ODAD4: variants seen among roughly 807,000 people sequenced by gnomAD.
ODAD4 encodes outer dynein arm-docking complex subunit 4.
Under a neutral mutation model 51.8 loss-of-function variants are expected in ODAD4, and 49 were observed. That is an observed-to-expected ratio of 0.95 (90% confidence interval 0.75 to 1.20). The LOEUF (loss-of-function observed/expected upper bound fraction) is 1.20. ODAD4 is among the 50% of genes most tolerant of loss of function. The probability of loss-of-function intolerance (pLI) is 0.00; values close to 1 mark genes in which losing one functional copy is unlikely to be tolerated. For synonymous variants in ODAD4, 235 were observed against 221.3 expected (o/e 1.06, Z -0.55); for missense variants, 590 against 586.5 (o/e 1.01, Z -0.06).
intron 8 of ODAD4, 117 bp downstream of exon 8, chr17:41,945,339 T>G: frequency 2.1e-6 from 1 of 472,648 alleles, no homozygotes. Context: ...AGACTCCCTC[T>G]CTACAAAAAA....
intron 7 of ODAD4, among the ~76,000 whole-genome samples, chr17:41,944,558 G>A (rs2050560647): frequency 6.6e-6 from 1 of 152,002 alleles, no homozygotes; most frequent in Non-Finnish European, 1.5e-5. Flanking sequence ...GGGAGGCCAA[G>A]GTGGGTAGAT....
rs1471265138 is a variant in ODAD4 at position 41,965,279 on chromosome 17, AAG to A, written c.1820_1821del (p.Glu607ValfsTer6). The A allele has an allele frequency of 1.3e-6, 1 of 779,398 alleles. No individual in the cohort carries two copies. Among genetic ancestry groups the A allele is most frequent in the Non-Finnish European group, 2.4e-6 (1 of 417,474 alleles). The allele number at this position is 779,398 out of a possible 1,614,324, so 48.3% of individuals were successfully genotyped here. A position where few individuals can be genotyped will look rare whatever the true frequency, so the allele number is the denominator to read the frequency against. ...TGRKLLEAGR[R>X]ESREIYRRPS... ...GCAGGAAGCTACTAGAAGCTGGCAG[AAG>A]AGAGTCAAGAGAAATTTATAGGAGG... On this transcript the variant is annotated frameshift_variant, in exon 12 of 12. Transcript: ENST00000377540. LOFTEE classifies it low-confidence loss of function (END_TRUNC).
intron 10 of ODAD4, among the ~76,000 whole-genome samples, chr17:41,957,151 C>T (rs2050744019): frequency 6.6e-6 from 1 of 152,158 alleles, no homozygotes; most frequent in Admixed American, 6.5e-5. Context: ...AGTGATCCTC[C>T]TGCCTCGGGC....
chr17:41,941,828 C>T (rs1049010700), intron 7 of ODAD4, among the ~76,000 whole-genome samples: 46 of 152,002 alleles, frequency 3.0e-4, no homozygotes, highest in Non-Finnish European at 2.9e-4. Flanking sequence ...GTTACAAATC[C>T]CTCCCCTAGG....
At chr17:41,944,434 ACACACACACAC>A (rs1447663995) in intron 7 of ODAD4, among the ~76,000 whole-genome samples, 342 of 7,970 alleles carry the variant, frequency 0.043, 14 homozygotes, top group South Asian at 0.1. Flanking sequence ...ACACACACAC[ACACACACACAC>A]CCCCCCGCAT....
At chr17:41,937,807 A>ACAG (rs2050448811) in intron 5 of ODAD4, among the ~76,000 whole-genome samples, 2 of 152,246 alleles carry the variant, frequency 1.3e-5, no homozygotes, top group South Asian at 4.1e-4. Flanking sequence ...GCTGCCAGTG[A>ACAG]CAGGATGAAG....
intron 8 of ODAD4, among the ~76,000 whole-genome samples, 195 bp from the exon 9 acceptor site, chr17:41,948,958 A>G (rs2050621382): frequency 6.6e-6 from 1 of 152,130 alleles, no homozygotes; most frequent in Non-Finnish European, 1.5e-5. Flanking sequence ...TAAATTCCAC[A>G]TTCCATAGGT....
intron 7 of ODAD4, among the ~76,000 whole-genome samples, chr17:41,939,576 T>A (rs1198101620): frequency 1.3e-5 from 2 of 152,088 alleles, no homozygotes; most frequent in African/African-American, 2.4e-5. Context: ...TAATTGCAAT[T>A]GTGATAAGTG....
At chr17:41,956,613 C>T (rs1347713298) in intron 10 of ODAD4, among the ~76,000 whole-genome samples, 19 of 151,190 alleles carry the variant, frequency 1.3e-4, no homozygotes, top group Admixed American at 1.2e-3. Context: ...AAAAAATTAG[C>T]CGGGTGTGGT....
chr17:41,937,037 C>T, intron 5 of ODAD4, 110 bp downstream of exon 5: 1 of 1,304,880 alleles, frequency 7.7e-7, no homozygotes, highest in Non-Finnish European at 1.1e-6. Flanking sequence ...TGACGTGTAC[C>T]TGTGGACAGG....
At chr17:41,950,283 TG>T (rs1165939833) in intron 9 of ODAD4, among the ~76,000 whole-genome samples, 1 of 151,716 alleles carries the variant, frequency 6.6e-6, no homozygotes, top group Non-Finnish European at 1.5e-5. Flanking sequence ...ATTCTTGTAT[TG>T]AATCATTATG....
intron 11 of ODAD4, among the ~76,000 whole-genome samples, chr17:41,963,249 G>A (rs1230791023): frequency 6.6e-6 from 1 of 152,138 alleles, no homozygotes; most frequent in Non-Finnish European, 1.5e-5. Flanking sequence ...TGGTTTCCAG[G>A]AGGAGAATGT....
intron 7 of ODAD4, among the ~76,000 whole-genome samples, chr17:41,942,512 C>T (rs2050520402): frequency 6.6e-6 from 1 of 152,204 alleles, no homozygotes; most frequent in Non-Finnish European, 1.5e-5. Context: ...TCATTCAACT[C>T]GCCAGAACAG....
intron 1 of ODAD4, among the ~76,000 whole-genome samples, chr17:41,932,786 A>C (rs1555637143): frequency 6.8e-6 from 1 of 146,958 alleles, no homozygotes; most frequent in African/African-American, 2.6e-5. Context: ...GCTGGTATTG[A>C]ACACTTGAGC....
At position 41,956,540 on chromosome 17, in the gene ODAD4, G is replaced by C. The variant is rs1448889552; in HGVS notation, c.1443+1223G>C. On this transcript the variant is annotated intron_variant, in intron 10 of 11. Coordinates refer to ENST00000377540, the MANE Select transcript of ODAD4 (RefSeq NM_031421.5). ...ATGGGGCCATGTATGGTGGGACCTA[G>C]CCTGGGACCCAACGTGTTGCTGGGA... Among the ~76,000 whole-genome samples, 4 of 138,196 alleles carry C rather than the reference G, an allele frequency of 2.9e-5. No individual in the cohort carries two copies. The East Asian group carries it at 6.5e-4, about 22-fold the overall frequency. 90.7% of individuals were successfully genotyped at this position (138,196 alleles called of 152,430 possible).
rs1373439926 is a variant in ODAD4, at chr17:41,949,216, C to T, written c.1209C>T (p.Ile403=). Reference sequence around the variant, plus strand: ...AGAAGACCTGGCTGTTCCACGAGATCGGCCGCTGCTACTTGGAGCTGGACC... The same window carrying T: ...AGAAGACCTGGCTGTTCCACGAGATTGGCCGCTGCTACTTGGAGCTGGACC... ...TLEKTWLFHE[I]GRCYLELDQA... The change falls in exon 9 of 12, where the codon ATC becomes ATT. Residue 403 remains isoleucine, a synonymous_variant. Coordinates refer to ENST00000377540, the MANE Select transcript of ODAD4 (RefSeq NM_031421.5). 5.8e-5 allele frequency: 23 copies of T among 398,422 alleles called. No individual in the cohort carries two copies. Among genetic ancestry groups the T allele is most frequent in the East Asian group, 3.6e-5 (1 of 28,084 alleles). The allele number at this position is 398,422 out of a possible 1,614,324, so 24.7% of individuals were successfully genotyped here.
chr17:41,944,054 A>G (rs1416321651), intron 7 of ODAD4, among the ~76,000 whole-genome samples: 1 of 152,106 alleles, frequency 6.6e-6, no homozygotes, highest in Non-Finnish European at 1.5e-5. Flanking sequence ...AAAATTAGCC[A>G]GGCGTGGTGG....
chr17:41,932,542 T>TTTTG (rs1209391318), intron 1 of ODAD4, among the ~76,000 whole-genome samples: 4 of 151,828 alleles, frequency 2.6e-5, no homozygotes, highest in Admixed American at 6.6e-5. Flanking sequence ...GTTGTTTTTT[T>TTTTG]TTTGTTTGTT....
intron 1 of ODAD4, among the ~76,000 whole-genome samples, chr17:41,931,295 T>C (rs2050333843): frequency 6.6e-6 from 1 of 152,192 alleles, no homozygotes; most frequent in African/African-American, 2.4e-5. Flanking sequence ...GACACACTGC[T>C]GTCACAGATA....
Sources: gnomAD v4.1 joint callset for allele counts (sites outside exome capture counted in the v4.1 genomes callset) on GRCh38, gnomAD v4.1.1 for gene constraint, MANE v1.5 for transcripts, NCBI Gene and HGNC (gene_info 2026-07-23, HGNC 2026-07-21) for gene names.